Variants in NBEAL2 observed in about 807,000 individuals in gnomAD.
NBEAL2 encodes the protein neurobeachin-like protein 2.
A neutral mutation model predicts 299.8 loss-of-function variants in NBEAL2; 160 were observed. That is an observed-to-expected ratio of 0.53 (90% CI 0.47 to 0.61). NBEAL2 has a LOEUF of 0.61. NBEAL2 is among the 20% of genes least tolerant of loss of function. NBEAL2 has a pLI of 0.00. For synonymous variants in NBEAL2, 1,493 were observed against 1,542.3 expected (o/e 0.97, Z 0.75); for missense variants, 3,112 against 3,649.0 (o/e 0.85, Z 3.79).
At chr3:46,986,607 A>G (rs936178) in intron 1 of NBEAL2, among the ~76,000 whole-genome samples, 144,717 of 152,104 alleles carry the variant, frequency 0.95, 69,285 homozygotes, top group East Asian at 1. Flanking sequence ...TTGAGTGACT[A>G]GCTTGACTGA....
chr3:46,995,726 C>A lies in NBEAL2; in HGVS notation c.1911C>A (p.Ser637Arg). 2 of 1,613,472 alleles carry A rather than the reference C, an allele frequency of 1.2e-6. No homozygotes were observed. The highest frequency in any genetic ancestry group is 1.7e-6 in the Non-Finnish European group (2 of 1,179,702). ...TGCCTGCCCCCAGCTTCTTTACCAG[C>A]AGCGGCTCAGGGTTTGAGGCCTTCT... The part of the protein sequence containing the change: ...QRKQLYSFFT[S>R]SGSGFEAFFT... Residue 637 changes from serine (S) to arginine (R), a missense_variant, in exon 14 of 54, where the codon AGC becomes AGA. Coordinates refer to ENST00000450053, the MANE Select transcript of NBEAL2 (RefSeq NM_015175.3).
chr3:47,008,157 G>T lies in NBEAL2; in HGVS notation c.7690G>T (p.Glu2564Ter). Residue 2564 changes from glutamate (E) to a stop codon, truncating the protein, a stop_gained, in exon 50 of 54, where the codon GAA becomes TAA. Coordinates refer to ENST00000450053, the MANE Select transcript of NBEAL2 (RefSeq NM_015175.3). LOFTEE classifies it high-confidence loss of function. Reference sequence around the variant, plus strand: ...AGTGAGCTGTGTGGCCATCAGCACTGAACTTGACATGGCTGTGTCTGGATC... The same window carrying T: ...AGTGAGCTGTGTGGCCATCAGCACTTAACTTGACATGGCTGTGTCTGGATC... ...AAVSCVAIST[E>*]LDMAVSGSED... The T allele has an allele frequency of 6.2e-7, 1 of 1,613,982 alleles. No individual in the cohort carries two copies. Among genetic ancestry groups the T allele is most frequent in the South Asian group, 1.1e-5 (1 of 91,058 alleles).
At chr3:47,002,841 G>A in intron 33 of NBEAL2, 39 bp downstream of exon 33, 1 of 1,547,840 alleles carries the variant, frequency 6.5e-7, no homozygotes, top group Non-Finnish European at 8.7e-7. Flanking sequence ...TGGAGGGGTG[G>A]GGCTTGGGAG....
At position 47,004,319 on chromosome 3, in the gene NBEAL2, C is replaced by T. The variant is rs767864526; in HGVS notation, c.6124C>T (p.Leu2042=). The change falls in exon 37 of 54, where the codon CTA becomes TTA. Residue 2042 remains leucine, a synonymous_variant. Coordinates refer to ENST00000450053, the MANE Select transcript of NBEAL2 (RefSeq NM_015175.3). The surrounding 1 kb of genome is among the most constrained non-coding windows in gnomAD (Gnocchi z 5.0). ...RNQVYSWLLR[L]RPPSQGYLSS... ...CCAGGTGTACTCGTGGCTCCTGCGC[C>T]TACGGCCCCCCTCTCAAGGCTACCT... 3 of 1,611,506 alleles carry T rather than the reference C, an allele frequency of 1.9e-6. No homozygotes were observed. The highest frequency in any genetic ancestry group is 2.5e-6 in the Non-Finnish European group (3 of 1,178,388).
rs764406411 is a variant in NBEAL2, at chr3:47,004,374, G to A, written c.6179G>A (p.Arg2060His). 63 of 1,595,416 alleles carry A rather than the reference G, an allele frequency of 3.9e-5. No homozygotes were observed. Among genetic ancestry groups the A allele is most frequent in the Non-Finnish European group, 4.6e-5 (54 of 1,169,166 alleles). The change falls in exon 37 of 54, where the codon CGT becomes CAT. Residue 2060 changes from arginine (R) to histidine (H), a missense_variant. Physicochemically the swap from Arg to His is conservative, Grantham distance 29. Transcript: ENST00000450053. This position sits in a 1 kb window ranked among gnomAD's most constrained non-coding sequence, Gnocchi z 5.0. ...LSSRSPQEML[R>H]ASGLTQKWVQ... ...AGCCGCTCCCCCCAGGAGATGCTGC[G>A]TGCCTCAGGCCTTACCCAGGTGAGA... is the stretch of plus-strand genomic sequence containing the variant.
In NBEAL2 at chr3:46,979,851, C is replaced by A. The variant is rs1352446225; in HGVS notation, c.-11C>A. On this transcript the variant is annotated 5_prime_UTR_variant, in exon 1 of 54. Transcript: ENST00000450053. ...AGGTGGCGCGCAGCAGGGCCGGAGCCGGGCCGGGCCATGGCCGCCTCGGAG... is the reference window on the plus strand; with the variant it reads ...AGGTGGCGCGCAGCAGGGCCGGAGCAGGGCCGGGCCATGGCCGCCTCGGAG... The A allele has an allele frequency of 2.2e-6, 1 of 452,546 alleles. No homozygotes were observed. The highest frequency in any genetic ancestry group is 3.9e-6 in the Non-Finnish European group (1 of 254,056). The allele number at this position is 452,546 out of a possible 1,614,324, so 28.0% of individuals were successfully genotyped here.
chr3:46,990,865 G>A (rs1267217553), intron 6 of NBEAL2, among the ~76,000 whole-genome samples: 2 of 152,186 alleles, frequency 1.3e-5, no homozygotes, highest in Non-Finnish European at 2.9e-5. Context: ...CAAGAGATTT[G>A]CATCTGAGAA....
chr3:46,991,652 G>A lies in NBEAL2; in HGVS notation c.889G>A (p.Glu297Lys), dbSNP rs868579260. 10 of 1,599,146 alleles carry A rather than the reference G, an allele frequency of 6.3e-6. No individual in the cohort carries two copies. Among genetic ancestry groups the A allele is most frequent in the Middle Eastern group, 1.7e-4 (1 of 6,046 alleles). ...DWPAGLSSGP[E>K]EALVTLRVSM... ...GCCAGCTGGTCTGAGCTCAGGCCCC[G>A]AAGAGGCCCTTGTCACCCTCCGGGT... The change falls in exon 8 of 54, where the codon GAA (glutamate) becomes AAA (lysine). Residue 297 changes from glutamate to lysine, a missense_variant. This residue lies in a region of NBEAL2 where 2,243 missense variants were observed against 2,538.1 expected (regional missense o/e 0.88). Transcript: ENST00000450053. The surrounding 1 kb of genome is among the most constrained non-coding windows in gnomAD (Gnocchi z 6.2).
chr3:46,994,467 G>T lies in NBEAL2; in HGVS notation c.1210G>T (p.Glu404Ter), dbSNP rs1327664027. 1 of 1,593,420 alleles carries T rather than the reference G, an allele frequency of 6.3e-7. No individual in the cohort carries two copies. Among genetic ancestry groups the T allele is most frequent in the Non-Finnish European group, 8.6e-7 (1 of 1,168,422 alleles). Residue 404 changes from glutamate to a stop codon, truncating the protein, a stop_gained, in exon 12 of 54, where the codon GAG becomes TAG. Transcript: ENST00000450053. LOFTEE classifies it high-confidence loss of function. ...DSPSAKEVFK[E>*]RIGYPHLQEV... ...CTACCTTACACAGGAGGTGTTTAAG[G>T]AGCGCATCGGCTACCCTCACCTGCA...
In NBEAL2 at chr3:47,007,337, A is replaced by G. The variant is rs1416800641; in HGVS notation, c.7321A>G (p.Met2441Val). 2.5e-6 allele frequency: 4 copies of G among 1,606,920 alleles called. No homozygotes were observed. Among genetic ancestry groups the G allele is most frequent in the Non-Finnish European group, 3.4e-6 (4 of 1,176,894 alleles). ...CTTCAGCTTCAGCAAAGACCCCACC[A>G]TGGGCAGCCACAAGTAGGACAGAGG... is the stretch of plus-strand genomic sequence containing the variant. The part of the protein sequence containing the change: ...NYFSFSKDPT[M>V]GSHKTQRLLS... The change falls in exon 47 of 54, where the codon ATG (methionine) becomes GTG (valine). Residue 2441 changes from methionine to valine, a missense_variant. Physicochemically the swap from Met to Val is conservative, Grantham distance 21. Coordinates refer to ENST00000450053, the MANE Select transcript of NBEAL2 (RefSeq NM_015175.3).
intron 9 of NBEAL2, among the ~76,000 whole-genome samples, 169 bp from the exon 10 acceptor site, chr3:46,992,306 C>A (rs2036158706): frequency 6.6e-6 from 1 of 152,198 alleles, no homozygotes; most frequent in Non-Finnish European, 1.5e-5. Context: ...CCGCTCATCC[C>A]CCCGACTGCC....
intron 6 of NBEAL2, among the ~76,000 whole-genome samples, chr3:46,990,749 C>T (rs2036020587): frequency 6.6e-6 from 1 of 152,170 alleles, no homozygotes; most frequent in Non-Finnish European, 1.5e-5. Flanking sequence ...CCTAGAAGTC[C>T]CAGGCAAAGG....
At chr3:46,990,336 A>G (rs1170846624) in intron 6 of NBEAL2, among the ~76,000 whole-genome samples, 3 of 152,002 alleles carry the variant, frequency 2.0e-5, no homozygotes, top group African/African-American at 7.3e-5. Flanking sequence ...ACTGGATTTC[A>G]TTTCTCCTCC....
At position 46,999,904 on chromosome 3, in the gene NBEAL2, T is replaced by C; in HGVS notation, c.3805T>C (p.Tyr1269His). The C allele has an allele frequency of 1.2e-6, 2 of 1,606,192 alleles. No homozygotes were observed. Among genetic ancestry groups the C allele is most frequent in the Non-Finnish European group, 1.7e-6 (2 of 1,174,468 alleles). ...TCGCCTGCAGCTTTTCCACCTCATC[T>C]ACGGACAGCCAGATGTAGTGCGGCT... ...DICRQLFHLI[Y>H]GQPDVVRLLA... is the part of the protein sequence containing the mutation. The change falls in exon 27 of 54, where the codon TAC becomes CAC. Residue 1269 changes from tyrosine (Y) to histidine (H), a missense_variant. This residue lies in a region of NBEAL2 where 2,243 missense variants were observed against 2,538.1 expected (regional missense o/e 0.88). Transcript: ENST00000450053.
At position 46,995,978 on chromosome 3, in the gene NBEAL2, A is replaced by G. The variant is rs750993457; in HGVS notation, c.2078A>G (p.Gln693Arg). The G allele has an allele frequency of 2.7e-5, 43 of 1,613,106 alleles. No homozygotes were observed. Among genetic ancestry groups the G allele is most frequent in the Non-Finnish European group, 3.5e-5 (41 of 1,179,760 alleles). ...VHVPGRRPFS[Q>R]NLVHVYKDGH... ...GTGCCTGGGCGCCGGCCCTTCAGCC[A>G]GAACCTGGTCCATGTCTACAAAGAC... Residue 693 changes from glutamine (Q) to arginine (R), a missense_variant, in exon 15 of 54, where the codon CAG (glutamine) becomes CGG (arginine). Physicochemically the swap from Gln to Arg is conservative, Grantham distance 43. Transcript: ENST00000450053.
rs561029852 is a variant in NBEAL2, at chr3:46,982,895, T to G, written c.51+2983T>G. Among the ~76,000 whole-genome samples the G allele has an allele frequency of 6.6e-6, 1 of 151,210 alleles. No individual in the cohort carries two copies. The highest frequency in any genetic ancestry group is 1.5e-5 in the Non-Finnish European group (1 of 67,838). ...GGTAGGCATAGGAAGGGCAGGAGAG[T>G]CTTGGGGGACTGGGGACAGCACCTG... On this transcript the variant is annotated intron_variant, in intron 1 of 53. Coordinates refer to ENST00000450053, the MANE Select transcript of NBEAL2 (RefSeq NM_015175.3). This position sits in a 1 kb window ranked among gnomAD's most constrained non-coding sequence, Gnocchi z 4.2.
Position 47,008,976 on chromosome 3 carries a change from C to G in NBEAL2, c.8028-13C>G, listed in dbSNP as rs1468550719. 5.0e-6 allele frequency: 8 copies of G among 1,598,602 alleles called. No individual in the cohort carries two copies. In the Admixed American group the frequency reaches 1.3e-4, roughly 27 times the overall value. ...GCAGTCGCAAGTTGGTGTATATCCC[C>G]TCTCCCTTCCAGACTGCTCCCGGCC... On this transcript the variant is annotated splice_polypyrimidine_tract_variant and intron_variant, in intron 52 of 53. Coordinates refer to ENST00000450053, the MANE Select transcript of NBEAL2 (RefSeq NM_015175.3).
Position 47,003,990 on chromosome 3 carries a change from G to A in NBEAL2, c.5881+14G>A. ...AAACCGAGGAGGGTGCGTCCTGGTG[G>A]TGTGGTTTAGGAGGATGGCAGGGAA... On this transcript the variant is annotated intron_variant, in intron 36 of 53. Transcript: ENST00000450053. The surrounding 1 kb of genome is among the most constrained non-coding windows in gnomAD (Gnocchi z 7.0). 1 of 1,611,942 alleles carries A rather than the reference G, an allele frequency of 6.2e-7. No individual in the cohort carries two copies. The highest frequency in any genetic ancestry group is 8.5e-7 in the Non-Finnish European group (1 of 1,178,570).
Position 46,997,300 on chromosome 3 carries a change from C to T in NBEAL2, c.2691C>T (p.Pro897=). Residue 897 remains proline, a synonymous_variant, in exon 19 of 54, where the codon CCC becomes CCT. Transcript: ENST00000450053. The stretch of plus-strand genomic sequence containing the variant: ...TTGGGGGTATGGGTGCCCTGCTGCC[C>T]CTGCTGGAGCGAGTAGCTGCACAGC... ...NCVGGMGALL[P]LLERVAAQPK... The T allele has an allele frequency of 6.2e-7, 1 of 1,612,914 alleles. No individual in the cohort carries two copies.
Sources: gnomAD v4.1 joint callset for allele counts (sites outside exome capture counted in the v4.1 genomes callset) on GRCh38, gnomAD v4.1.1 for gene constraint, gnomAD v4.1.1 regional missense constraint, Gnocchi (gnomAD v3.1) non-coding constraint, MANE v1.5 for transcripts, NCBI Gene and HGNC (gene_info 2026-07-23, HGNC 2026-07-21) for gene names.